The following ZNF385D variants were observed in gnomAD, a reference collection of about 807,000 sequenced individuals.
ZNF385D encodes zinc finger protein 385D, also known as zinc finger protein 659.
ZNF385D carries 15 observed loss-of-function variants against 35.8 expected under a neutral mutation model. The observed-to-expected ratio is 0.42, with a 90% CI of 0.28 to 0.64. The LOEUF (loss-of-function observed/expected upper bound fraction) is 0.64. ZNF385D is among the 30% of genes least tolerant of loss of function. ZNF385D has a pLI of 0.23. For missense variants in ZNF385D, 474 were observed against 494.6 expected (o/e 0.96, Z 0.39); for synonymous variants, 212 against 186.8 (o/e 1.13, Z -1.10).
rs3821386 is a variant in ZNF385D, at chr3:21,959,145, A to T, written c.325+209672T>A. Among the ~76,000 whole-genome samples the T allele has an allele frequency of 2.0e-5, 3 of 152,116 alleles. No homozygotes were observed. The East Asian group carries it at 5.8e-4, about 29-fold the overall frequency. On this transcript the variant is annotated intron_variant, in intron 3 of 5. Coordinates refer to the ZNF385D transcript ENST00000494108. ...ACTTAAAGTATCACAAATAACATAT[A>T]ATTCCAGGCCAGAAATTTAGTATAC... is the stretch of plus-strand genomic sequence containing the variant.
chr3:21,543,634 G>A (rs2062264388), intron 3 of ZNF385D, among the ~76,000 whole-genome samples: 1 of 152,180 alleles, frequency 6.6e-6, no homozygotes, highest in South Asian at 2.1e-4. Context: ...ACTGGTGGAG[G>A]AAACAGTTGC....
chr3:21,526,067 G>A (rs1708204418), intron 3 of ZNF385D, among the ~76,000 whole-genome samples: 1 of 152,050 alleles, frequency 6.6e-6, no homozygotes, highest in African/African-American at 2.4e-5. Flanking sequence ...GTAAACAGAT[G>A]CTATTTTCCA....
At chr3:21,534,660 C>T (rs1385154019) in intron 3 of ZNF385D, among the ~76,000 whole-genome samples, 2 of 152,096 alleles carry the variant, frequency 1.3e-5, no homozygotes, top group African/African-American at 2.4e-5. Flanking sequence ...AAACTCTTAA[C>T]TTACAGCCAA....
In ZNF385D at chr3:22,043,373, C is replaced by T. The variant is rs563782077; in HGVS notation, c.325+125444G>A. ...TTCTAAACTGTTAATTATTTTTTAA[C>T]GTACTGAAACCATGCATGCTACAAA... On this transcript the variant is annotated intron_variant, in intron 3 of 5. Transcript: ENST00000494108. 1.0e-3 allele frequency among the ~76,000 whole-genome samples: 159 copies of T among 152,126 alleles called. 1 individual carries two copies. Among genetic ancestry groups the T allele is most frequent in the African/African-American group, 3.3e-3 (139 of 41,516 alleles).
intron 3 of ZNF385D, among the ~76,000 whole-genome samples, chr3:22,025,908 A>G (rs1013887099): frequency 5.9e-5 from 9 of 152,302 alleles, no homozygotes; most frequent in Non-Finnish European, 8.8e-5. Context: ...ATTCAACTAC[A>G]AAATGTAAAT....
chr3:21,566,211 G>A (rs900640960), intron 2 of ZNF385D, among the ~76,000 whole-genome samples: 2 of 152,136 alleles, frequency 1.3e-5, no homozygotes, highest in Non-Finnish European at 2.9e-5. Context: ...ACTCATGGGC[G>A]TAATCATTTT....
chr3:21,847,753 A>G (rs1396633935), intron 3 of ZNF385D, among the ~76,000 whole-genome samples: 1 of 152,028 alleles, frequency 6.6e-6, no homozygotes, highest in East Asian at 1.9e-4. Context: ...ATCATCCTAG[A>G]AAGTTCCCTC....
At chr3:21,426,179 C>T (rs1394839442) in intron 5 of ZNF385D, among the ~76,000 whole-genome samples, 1 of 152,120 alleles carries the variant, frequency 6.6e-6, no homozygotes, top group Non-Finnish European at 1.5e-5. Flanking sequence ...AGAATACAAA[C>T]AAGCTTTCGT....
chr3:21,729,522 G>C (rs1205594641), intron 1 of ZNF385D, among the ~76,000 whole-genome samples: 1 of 152,106 alleles, frequency 6.6e-6, no homozygotes, highest in East Asian at 1.9e-4. Context: ...AACTCCACTA[G>C]AATTGAGGTT....
At chr3:21,772,242 T>C (rs184591694) in intron 3 of ZNF385D, among the ~76,000 whole-genome samples, 11 of 151,866 alleles carry the variant, frequency 7.2e-5, no homozygotes, top group African/African-American at 2.7e-4. Flanking sequence ...TTTATAAAAA[T>C]TTTTTAAAAA....
At chr3:21,455,287 A>C (rs187710598) in intron 4 of ZNF385D, among the ~76,000 whole-genome samples, 181 of 152,316 alleles carry the variant, frequency 1.2e-3, no homozygotes, top group African/African-American at 4.0e-3. Context: ...AGTCAATCCT[A>C]AGCCAAAAGA....
At chr3:21,949,974 G>A (rs768390290) in intron 3 of ZNF385D, among the ~76,000 whole-genome samples, 9 of 152,052 alleles carry the variant, frequency 5.9e-5, no homozygotes, top group South Asian at 4.1e-4. Flanking sequence ...CATTTGGGTT[G>A]GTTCCAAGTC....
intron 3 of ZNF385D, among the ~76,000 whole-genome samples, chr3:21,851,600 A>G (rs1488314744): frequency 1.3e-5 from 2 of 152,076 alleles, no homozygotes; most frequent in Non-Finnish European, 2.9e-5. Context: ...GCAAAAAAGA[A>G]AATATCTTGT....
At chr3:21,762,346 G>C (rs376507281) in intron 3 of ZNF385D, among the ~76,000 whole-genome samples, 1 of 151,988 alleles carries the variant, frequency 6.6e-6, no homozygotes. Flanking sequence ...TCTATGCCTG[G>C]TATCATGCTT....
At chr3:22,186,104 G>A (rs897724336) in intron 2 of ZNF385D, among the ~76,000 whole-genome samples, 3 of 152,102 alleles carry the variant, frequency 2.0e-5, no homozygotes, top group Admixed American at 1.3e-4. Flanking sequence ...TACTAGTTTT[G>A]CATTCTGATT....
At chr3:22,229,837 T>TC (rs1410173408) in intron 2 of ZNF385D, among the ~76,000 whole-genome samples, 7 of 152,096 alleles carry the variant, frequency 4.6e-5, no homozygotes, top group African/African-American at 9.7e-5. Context: ...CCCGTACCCT[T>TC]CCTCCCTTTT....
chr3:22,270,655 G>C (rs1182360222), intron 2 of ZNF385D, among the ~76,000 whole-genome samples: 1 of 149,882 alleles, frequency 6.7e-6, no homozygotes, highest in Non-Finnish European at 1.5e-5. Context: ...TACATGATGT[G>C]AGATCTTTAC....
At chr3:21,815,577 T>A (rs2073111114) in intron 3 of ZNF385D, among the ~76,000 whole-genome samples, 1 of 152,156 alleles carries the variant, frequency 6.6e-6, no homozygotes. Flanking sequence ...CTAGCAAATC[T>A]AGAAGAAATG....
intron 3 of ZNF385D, among the ~76,000 whole-genome samples, chr3:21,983,027 T>C (rs1295621051): frequency 6.6e-6 from 1 of 152,058 alleles, no homozygotes; most frequent in African/African-American, 2.4e-5. Context: ...TTGATGTTTA[T>C]CAAGGATATT....
Sources: gnomAD v4.1 joint callset for allele counts (sites outside exome capture counted in the v4.1 genomes callset) on GRCh38, gnomAD v4.1.1 for gene constraint, MANE v1.5 for transcripts, NCBI Gene and HGNC (gene_info 2026-07-23, HGNC 2026-07-21) for gene names.